The following DNER variants were observed in gnomAD, a reference collection of about 807,000 sequenced individuals.
The protein encoded by DNER is delta/notch like EGF repeat containing.
DNER carries 33 observed loss-of-function variants against 78.2 expected under a neutral mutation model. The ratio of observed to expected loss-of-function variants is 0.42; its 90% CI spans 0.32 to 0.56. The LOEUF (loss-of-function observed/expected upper bound fraction) is 0.56. Among genes scored for constraint, DNER ranks in the 20% least tolerant of loss-of-function variants. The pLI, the probability that DNER is intolerant of heterozygous loss-of-function variation, is 0.11. For missense variants in DNER, 918 were observed against 975.3 expected, an observed-to-expected ratio of 0.94 and a Z score of 0.78; for synonymous variants, 417 against 384.8, an observed-to-expected ratio of 1.08 and a Z score of -0.98.
intron 10 of DNER, among the ~76,000 whole-genome samples, chr2:229,406,720 T>C (rs1262776362): frequency 6.6e-6 from 1 of 152,144 alleles, no homozygotes; most frequent in African/African-American, 2.4e-5. Context: ...ACCCCCAATC[T>C]AGGAGTGGCT....
chr2:229,678,426 T>C (rs1010259262), intron 1 of DNER, among the ~76,000 whole-genome samples: 2 of 148,514 alleles, frequency 1.3e-5, no homozygotes, highest in African/African-American at 2.5e-5. Context: ...TTGTTGTATA[T>C]TCTGATTCTT....
intron 1 of DNER, among the ~76,000 whole-genome samples, chr2:229,658,576 T>C (rs1248399417): frequency 6.6e-6 from 1 of 152,238 alleles, no homozygotes; most frequent in Non-Finnish European, 1.5e-5. Flanking sequence ...AGTAAGACTT[T>C]ATTAAGCACT....
rs1271970933 is a variant in DNER, at chr2:229,418,376, A to C, written c.1487-146T>G. 3 of 1,146,214 alleles carry C rather than the reference A, an allele frequency of 2.6e-6. No individual in the cohort carries two copies. In the African/African-American group the frequency reaches 4.7e-5, roughly 18 times the overall value. The allele number at this position is 1,146,214 out of a possible 1,614,324, so 71.0% of individuals were successfully genotyped here. A position where few individuals can be genotyped will look rare whatever the true frequency, so the allele number is the denominator to read the frequency against. On this transcript the variant is annotated intron_variant, in intron 8 of 12. Coordinates refer to ENST00000341772, the MANE Select transcript of DNER (RefSeq NM_139072.4). Reference sequence around the variant, plus strand: ...TTTCAGGAGCTAGATCTCTTGGGGTAAAGTTGAAAGGTGGATTTGGGGGAA... The same window carrying C: ...TTTCAGGAGCTAGATCTCTTGGGGTCAAGTTGAAAGGTGGATTTGGGGGAA...
chr2:229,712,062 TA>T (rs1699920417), intron 1 of DNER, among the ~76,000 whole-genome samples: 1 of 152,202 alleles, frequency 6.6e-6, no homozygotes, highest in Non-Finnish European at 1.5e-5. Context: ...CCAAGTTCAC[TA>T]AGCTTTCCTA....
chr2:229,616,296 T>C (rs1698161555), intron 1 of DNER, among the ~76,000 whole-genome samples: 10 of 152,184 alleles, frequency 6.6e-5, no homozygotes, highest in Non-Finnish European at 1.5e-5. Flanking sequence ...CTTGAAACTT[T>C]TGTCCTATGG....
At chr2:229,632,398 G>A (rs1317614742) in intron 1 of DNER, among the ~76,000 whole-genome samples, 1 of 152,138 alleles carries the variant, frequency 6.6e-6, no homozygotes, top group Non-Finnish European at 1.5e-5. Context: ...AGCTCACAAA[G>A]CACATCTTTG....
At chr2:229,396,435 C>T (rs777219966) in intron 10 of DNER, among the ~76,000 whole-genome samples, 1 of 151,792 alleles carries the variant, frequency 6.6e-6, no homozygotes, top group Non-Finnish European at 1.5e-5. Flanking sequence ...AAGTTTGTTT[C>T]AAAGTGAAGG....
In DNER at chr2:229,367,045, C is replaced by T; in HGVS notation, c.1930G>A (p.Gly644Arg). The change falls in exon 12 of 13, where the codon GGA becomes AGA. Residue 644 changes from glycine (G) to arginine (R), a missense_variant. Physicochemically the swap from Gly to Arg is moderately radical, Grantham distance 125. Transcript: ENST00000341772. Reference sequence around the variant, plus strand: ...AGGATGAAGGCCACGCAGAGGGCTCCAATGATGATGTAGAGGGAGTGCCGT... The same window carrying T: ...AGGATGAAGGCCACGCAGAGGGCTCTAATGATGATGTAGAGGGAGTGCCGT... ...MPRHSLYIII[G>R]ALCVAFILML... The T allele has an allele frequency of 6.2e-7, 1 of 1,614,038 alleles. No homozygotes were observed. The highest frequency in any genetic ancestry group is 8.5e-7 in the Non-Finnish European group (1 of 1,179,994).
chr2:229,614,456 G>C (rs180997886), intron 1 of DNER, among the ~76,000 whole-genome samples: 30 of 152,274 alleles, frequency 2.0e-4, no homozygotes, highest in African/African-American at 6.7e-4. Context: ...CTACCATTGG[G>C]AACAAGTGAG....
chr2:229,668,528 GTGTGTGTGTATATATA>G (rs1428509144), intron 1 of DNER, among the ~76,000 whole-genome samples: 4,685 of 48,388 alleles, frequency 0.097, 163 homozygotes, highest in Non-Finnish European at 0.12. Context: ...GTGTGTGTGT[GTGTGTGTGTATATATA>G]TATATATATA....
chr2:229,495,738 G>C (rs1037253458), intron 6 of DNER, among the ~76,000 whole-genome samples: 1 of 152,186 alleles, frequency 6.6e-6, no homozygotes, highest in African/African-American at 2.4e-5. Context: ...CTCGGCACCC[G>C]CTGGCCCAGT....
intron 1 of DNER, among the ~76,000 whole-genome samples, chr2:229,642,980 T>A (rs1050439856): frequency 6.6e-6 from 1 of 151,996 alleles, no homozygotes; most frequent in South Asian, 2.1e-4. Context: ...GCCCAGCACT[T>A]TGGGAGGCGG....
chr2:229,369,079 T>C (rs1254572112), intron 11 of DNER, among the ~76,000 whole-genome samples: 1 of 152,194 alleles, frequency 6.6e-6, no homozygotes, highest in African/African-American at 2.4e-5. Context: ...TTGATCTCCT[T>C]GAGCTTCGGT....
chr2:229,575,717 A>G (rs1249431541), intron 4 of DNER, among the ~76,000 whole-genome samples: 1 of 152,216 alleles, frequency 6.6e-6, no homozygotes, highest in African/African-American at 2.4e-5. Context: ...AGACGTATCC[A>G]GAATGGAATG....
intron 1 of DNER, among the ~76,000 whole-genome samples, chr2:229,699,794 A>C (rs937130007): frequency 6.6e-6 from 1 of 152,236 alleles, no homozygotes; most frequent in Non-Finnish European, 1.5e-5. Flanking sequence ...CAGTATGGTA[A>C]CAGTATAAAG....
At chr2:229,415,978 A>G (rs1028813433) in intron 9 of DNER, among the ~76,000 whole-genome samples, 2 of 152,142 alleles carry the variant, frequency 1.3e-5, no homozygotes, top group African/African-American at 4.8e-5. Flanking sequence ...ATTGTGTATC[A>G]TCTCCTTCAT....
At chr2:229,647,946 T>G (rs1477162991) in intron 1 of DNER, among the ~76,000 whole-genome samples, 1 of 152,178 alleles carries the variant, frequency 6.6e-6, no homozygotes, top group Admixed American at 6.5e-5. Flanking sequence ...TCTTTTTATT[T>G]CTCTAAAGGT....
intron 9 of DNER, among the ~76,000 whole-genome samples, chr2:229,408,119 T>G (rs1448328470): frequency 6.6e-6 from 1 of 152,054 alleles, no homozygotes; most frequent in East Asian, 1.9e-4. Flanking sequence ...AAAAAATCTG[T>G]AAAGTAAAAC....
At chr2:229,394,335 G>A (rs1693084913) in intron 10 of DNER, among the ~76,000 whole-genome samples, 1 of 151,758 alleles carries the variant, frequency 6.6e-6, no homozygotes, top group Non-Finnish European at 1.5e-5. Flanking sequence ...TGTGGGTGTG[G>A]GGATCCGCCA....
Sources: allele counts gnomAD v4.1 joint callset (sites outside exome capture counted in the v4.1 genomes callset), GRCh38; gene constraint gnomAD v4.1.1; transcripts MANE v1.5; gene names NCBI Gene and HGNC (gene_info 2026-07-23, HGNC 2026-07-21).